The following ATP13A3 variants were observed in gnomAD, a reference collection of about 807,000 sequenced individuals.
ATP13A3 encodes the protein ATPase 13A3.
In ATP13A3, 59 loss-of-function variants were observed where a neutral mutation model predicts 158.1. The observed-to-expected ratio is 0.37, with a 90% CI of 0.30 to 0.46. The LOEUF (loss-of-function observed/expected upper bound fraction) is 0.46. ATP13A3 is among the 20% of genes least tolerant of loss of function. ATP13A3 has a pLI of 1.00. For synonymous variants in ATP13A3, 491 were observed against 504.3 expected, an observed-to-expected ratio of 0.97 and a Z score of 0.35; for missense variants, 1,166 against 1,525.2, an observed-to-expected ratio of 0.76 and a Z score of 3.92.
chr3:194,444,424 T>C (rs755344311), intron 15 of ATP13A3, among the ~76,000 whole-genome samples: 3 of 152,150 alleles, frequency 2.0e-5, no homozygotes, highest in Non-Finnish European at 4.4e-5. Flanking sequence ...GCAAAACATA[T>C]GTACAGTATA....
chr3:194,438,733 G>T, intron 17 of ATP13A3, 123 bp downstream of exon 17: 1 of 551,418 alleles, frequency 1.8e-6, no homozygotes, highest in Non-Finnish European at 2.8e-6. Flanking sequence ...GAGCCCAGGA[G>T]TTTGAGACCA....
At chr3:194,416,230 T>C (rs1715840080) in intron 31 of ATP13A3, among the ~76,000 whole-genome samples, 2 of 152,056 alleles carry the variant, frequency 1.3e-5, no homozygotes, top group African/African-American at 4.8e-5. Flanking sequence ...GAGGCCACGG[T>C]GGGTGGATCG....
chr3:194,453,845 T>C, intron 9 of ATP13A3, 67 bp from the exon 10 acceptor site: 1 of 1,230,602 alleles, frequency 8.1e-7, no homozygotes, highest in Middle Eastern at 1.9e-4. Context: ...AAAGCCAGAG[T>C]GCTAAAAAAA....
chr3:194,480,244 A>C (rs1310719962), intron 2 of ATP13A3, among the ~76,000 whole-genome samples: 1 of 152,204 alleles, frequency 6.6e-6, no homozygotes, highest in Admixed American at 6.5e-5. Flanking sequence ...CCAGACTACA[A>C]GACTGGTATG....
intron 4 of ATP13A3, 62 bp from the exon 5 acceptor site, chr3:194,460,033 A>T (rs1412873741): frequency 1.5e-6 from 2 of 1,312,748 alleles, no homozygotes; most frequent in East Asian, 4.7e-5. Flanking sequence ...CTATATTTTC[A>T]TTTATTTTCC....
chr3:194,421,591 A>T (rs1207154742), intron 30 of ATP13A3, among the ~76,000 whole-genome samples: 1 of 151,538 alleles, frequency 6.6e-6, no homozygotes, highest in Non-Finnish European at 1.5e-5. Context: ...CATATTGGGT[A>T]AAAAGTAATT....
chr3:194,463,289 CTT>C (rs34171479), intron 2 of ATP13A3, among the ~76,000 whole-genome samples: 53 of 137,990 alleles, frequency 3.8e-4, no homozygotes, highest in African/African-American at 7.3e-4. Context: ...CATATTTTTC[CTT>C]TTTTTTTTTT....
chr3:194,430,336 A>C, intron 24 of ATP13A3, 21 bp from the exon 25 acceptor site: 1 of 1,608,404 alleles, frequency 6.2e-7, no homozygotes, highest in Admixed American at 1.7e-5. Context: ...AAACAATGTT[A>C]AGATTTTAAT....
intron 2 of ATP13A3, among the ~76,000 whole-genome samples, chr3:194,475,884 T>A (rs1720504501): frequency 6.6e-6 from 1 of 152,092 alleles, no homozygotes; most frequent in Non-Finnish European, 1.5e-5. Context: ...CAGGAAAAAA[T>A]CATCTTCACT....
At chr3:194,450,095 T>A in intron 11 of ATP13A3, 50 bp downstream of exon 11, 1 of 1,581,978 alleles carries the variant, frequency 6.3e-7, no homozygotes, top group African/African-American at 1.3e-5. Flanking sequence ...ACTAACTTAG[T>A]CATGATATAT....
intron 33 of ATP13A3, among the ~76,000 whole-genome samples, chr3:194,408,867 T>C (rs1014834769): frequency 6.6e-6 from 1 of 151,950 alleles, no homozygotes; most frequent in Non-Finnish European, 1.5e-5. Flanking sequence ...GCTACAGGCA[T>C]GCTGGAATGA....
At chr3:194,451,013 C>T (rs1718768410) in intron 10 of ATP13A3, 1 of 152,212 alleles carries the variant, frequency 6.6e-6, no homozygotes, top group African/African-American at 2.4e-5. Context: ...TATTCTCTCT[C>T]TTTTCCTCTC....
intron 2 of ATP13A3, among the ~76,000 whole-genome samples, chr3:194,480,066 A>T (rs925649126): frequency 3.9e-5 from 6 of 152,076 alleles, no homozygotes; most frequent in African/African-American, 1.4e-4. Flanking sequence ...CATCAATCAC[A>T]CCCCACACAC....
At chr3:194,427,294 A>G in intron 28 of ATP13A3, 42 bp from the exon 29 acceptor site, 1 of 1,519,556 alleles carries the variant, frequency 6.6e-7, no homozygotes, top group Non-Finnish European at 8.9e-7. Flanking sequence ...TATTTACATT[A>G]ATCTATCACT....
At chr3:194,410,332 C>T (rs1386765381) in intron 33 of ATP13A3, among the ~76,000 whole-genome samples, 4 of 15,718 alleles carry the variant, frequency 2.5e-4, no homozygotes, top group Non-Finnish European at 1.1e-3. Flanking sequence ...AAAAAAAAAA[C>T]TGCTGGGCCT....
intron 16 of ATP13A3, 114 bp from the exon 17 acceptor site, chr3:194,439,086 T>C: frequency 1.7e-6 from 1 of 605,320 alleles, no homozygotes; most frequent in Non-Finnish European, 2.8e-6. Context: ...TTTTCAATAA[T>C]TAAAAAAAAT....
At chr3:194,421,130 ATATATAG>A (rs1192471779) in intron 30 of ATP13A3, among the ~76,000 whole-genome samples, 2 of 38,466 alleles carry the variant, frequency 5.2e-5, no homozygotes, top group African/African-American at 2.2e-4. Context: ...ATATATATAT[ATATATAG>A]TATATATATA....
chr3:194,413,495 TCTC>T (rs1439126683), intron 32 of ATP13A3, among the ~76,000 whole-genome samples: 3 of 152,310 alleles, frequency 2.0e-5, no homozygotes, highest in Middle Eastern at 3.4e-3. Flanking sequence ...CCCAAACTTC[TCTC>T]CTTTCTACTC....
At chr3:194,472,976 G>C (rs1387000031) in intron 2 of ATP13A3, among the ~76,000 whole-genome samples, 1 of 152,018 alleles carries the variant, frequency 6.6e-6, no homozygotes, top group Non-Finnish European at 1.5e-5. Flanking sequence ...TAAAGATGGG[G>C]AACAATGGAC....
Sources: gnomAD v4.1 joint callset for allele counts (sites outside exome capture counted in the v4.1 genomes callset) on GRCh38, gnomAD v4.1.1 for gene constraint, MANE v1.5 for transcripts, NCBI Gene and HGNC (gene_info 2026-07-23, HGNC 2026-07-21) for gene names.